The following KCNK9 variants were observed in gnomAD, a reference collection of about 807,000 sequenced individuals.
KCNK9 encodes potassium two pore domain channel subfamily K member 9.
In KCNK9, 1 loss-of-function variant was observed where a neutral mutation model predicts 10.8. That is an observed-to-expected ratio of 0.09 (90% CI 0.03 to 0.44). The LOEUF (loss-of-function observed/expected upper bound fraction) is 0.44, where lower values mean the gene tolerates loss of function less well. Ranked by LOEUF, KCNK9 falls within the 20% of genes least tolerant of loss-of-function variation. KCNK9 has a pLI of 0.97. For missense variants in KCNK9, 303 were observed against 515.0 expected (o/e 0.59, Z 3.98); for synonymous variants, 231 against 222.7 (o/e 1.04, Z -0.33).
intron 1 of KCNK9, among the ~76,000 whole-genome samples, chr8:139,694,835 C>A (rs1817014238): frequency 1.3e-5 from 2 of 152,150 alleles, no homozygotes; most frequent in Non-Finnish European, 2.9e-5. Context: ...TCACCTAGCA[C>A]CACCTTCGAG....
intron 1 of KCNK9, among the ~76,000 whole-genome samples, chr8:139,627,069 C>A (rs988571496): frequency 1.3e-5 from 2 of 152,156 alleles, no homozygotes; most frequent in African/African-American, 4.8e-5. Flanking sequence ...TCAGTGGGTC[C>A]CAAAGTCTGG....
At chr8:139,652,452 G>A (rs574909564) in intron 1 of KCNK9, among the ~76,000 whole-genome samples, 6 of 152,246 alleles carry the variant, frequency 3.9e-5, no homozygotes, top group East Asian at 1.9e-4. Context: ...GTCACCCTGA[G>A]GCACATATAG....
chr8:139,674,235 T>C (rs1006480460), intron 1 of KCNK9, among the ~76,000 whole-genome samples: 22 of 152,136 alleles, frequency 1.4e-4, no homozygotes, highest in Non-Finnish European at 1.5e-5. Context: ...AGGGCCCTCA[T>C]AGAAGAGGAA....
At chr8:139,602,289 G>A (rs1817390270) in intron 2 of KCNK9, among the ~76,000 whole-genome samples, 1 of 152,242 alleles carries the variant, frequency 6.6e-6, no homozygotes, top group African/African-American at 2.4e-5. Flanking sequence ...GGATGGGTTG[G>A]TGATGAATGC....
At chr8:139,635,063 C>T (rs1008910473) in intron 1 of KCNK9, among the ~76,000 whole-genome samples, 3 of 152,180 alleles carry the variant, frequency 2.0e-5, no homozygotes, top group Non-Finnish European at 4.4e-5. Flanking sequence ...GAGCAGCCAG[C>T]CGGGAGCAGG....
chr8:139,647,835 C>A (rs545972409), intron 1 of KCNK9, among the ~76,000 whole-genome samples: 1 of 152,304 alleles, frequency 6.6e-6, no homozygotes, highest in African/African-American at 2.4e-5. Flanking sequence ...CAGGTGGCTA[C>A]CCCAGGACTG....
chr8:139,630,579 A>G (rs1563724521), intron 1 of KCNK9, among the ~76,000 whole-genome samples: 1 of 152,128 alleles, frequency 6.6e-6, no homozygotes, highest in Non-Finnish European at 1.5e-5. Context: ...CCTGCACCAT[A>G]TCTGCCAATG....
At chr8:139,673,687 T>C (rs1198059771) in intron 1 of KCNK9, among the ~76,000 whole-genome samples, 2 of 152,212 alleles carry the variant, frequency 1.3e-5, no homozygotes, top group South Asian at 2.1e-4. Flanking sequence ...TTTGGGATAG[T>C]GGGTTAAGCC....
At chr8:139,664,342 G>A (rs1479945618) in intron 1 of KCNK9, among the ~76,000 whole-genome samples, 1 of 152,094 alleles carries the variant, frequency 6.6e-6, no homozygotes, top group African/African-American at 2.4e-5. Context: ...CTGGTCCAGG[G>A]AGCTGCTCTG....
chr8:139,605,323 T>C (rs1014210103), intron 2 of KCNK9, among the ~76,000 whole-genome samples: 3 of 152,244 alleles, frequency 2.0e-5, no homozygotes, highest in Admixed American at 1.3e-4. Flanking sequence ...CTCCTGGAAA[T>C]GGTGCTCATC....
At chr8:139,643,857 C>T (rs1278504984) in intron 1 of KCNK9, among the ~76,000 whole-genome samples, 2 of 152,196 alleles carry the variant, frequency 1.3e-5, no homozygotes, top group Non-Finnish European at 2.9e-5. Context: ...TTCAGCTGAG[C>T]CACAGCCCCC....
intron 1 of KCNK9, among the ~76,000 whole-genome samples, chr8:139,658,321 G>A (rs914910154): frequency 1.3e-5 from 2 of 152,128 alleles, no homozygotes; most frequent in African/African-American, 4.8e-5. Context: ...AACCACTGCT[G>A]GAAAAGCTGA....
chr8:139,624,086 T>C (rs546331000), intron 1 of KCNK9, among the ~76,000 whole-genome samples: 1 of 152,120 alleles, frequency 6.6e-6, no homozygotes, highest in South Asian at 2.1e-4. Context: ...CCCCACCAAC[T>C]GAGGAATGCA....
intron 1 of KCNK9, among the ~76,000 whole-genome samples, chr8:139,698,110 G>A (rs1586700436): frequency 6.6e-6 from 1 of 152,338 alleles, no homozygotes; most frequent in Admixed American, 6.5e-5. Flanking sequence ...TGGTCCCAGG[G>A]AAAACACCAC....
chr8:139,678,042 T>A (rs1261605611), intron 1 of KCNK9, among the ~76,000 whole-genome samples: 1 of 122,636 alleles, frequency 8.2e-6, no homozygotes, highest in African/African-American at 3.3e-5. Context: ...CCCCACAGCC[T>A]GACCCAGCCC....
downstream of KCNK9, among the ~76,000 whole-genome samples, chr8:139,615,476 A>T (rs1447140420): frequency 6.6e-6 from 1 of 152,166 alleles, no homozygotes; most frequent in Non-Finnish European, 1.5e-5. Context: ...CTATACCTAG[A>T]TATCTCCTTG....
chr8:139,676,829 G>A (rs147327018), intron 1 of KCNK9, among the ~76,000 whole-genome samples: 34 of 152,298 alleles, frequency 2.2e-4, no homozygotes, highest in African/African-American at 7.7e-4. Flanking sequence ...GTGCATGCCT[G>A]TAATCCCAGC....
At chr8:139,609,106 A>ACCCCCTCCCG (rs1554617339), downstream of KCNK9, among the ~76,000 whole-genome samples, 2 of 123,946 alleles carry the variant, frequency 1.6e-5, no homozygotes, top group South Asian at 2.8e-4. Context: ...GACCCATCCC[A>ACCCCCTCCCG]CCCCACCCCG....
chr8:139,647,645 G>A (rs1333929846), intron 1 of KCNK9, among the ~76,000 whole-genome samples: 1 of 152,222 alleles, frequency 6.6e-6, no homozygotes, highest in Admixed American at 6.5e-5. Context: ...GGTGCAGCTG[G>A]AAAGGAGGTG....
Sources: gnomAD v4.1 joint callset for allele counts (sites outside exome capture counted in the v4.1 genomes callset) on GRCh38, gnomAD v4.1.1 for gene constraint, MANE v1.5 for transcripts, NCBI Gene and HGNC (gene_info 2026-07-23, HGNC 2026-07-21) for gene names.